Variants in AGBL1 observed in about 807,000 individuals in gnomAD.
The protein encoded by AGBL1 is cytosolic carboxypeptidase 4.
In AGBL1, 130 loss-of-function variants were observed where a neutral mutation model predicts 118.9. That is an observed-to-expected ratio of 1.09 (90% confidence interval 0.95 to 1.26). The LOEUF is 1.26. Ranked by LOEUF, AGBL1 falls within the 50% of genes most tolerant of loss-of-function variation. The pLI, the probability that AGBL1 is intolerant of heterozygous loss-of-function variation, is 0.00. For synonymous variants in AGBL1, 555 were observed against 478.9 expected, an observed-to-expected ratio of 1.16 and a Z score of -2.08; for missense variants, 1,584 against 1,298.1, an observed-to-expected ratio of 1.22 and a Z score of -3.38.
intron 22 of AGBL1, among the ~76,000 whole-genome samples, chr15:86,905,388 G>A (rs186354196): frequency 4.5e-4 from 68 of 152,288 alleles, no homozygotes; most frequent in African/African-American, 1.0e-3. Context: ...TTCCACAAAA[G>A]TGGCATAATA....
intron 6 of AGBL1, among the ~76,000 whole-genome samples, chr15:86,242,207 T>C (rs1462494972): frequency 1.3e-5 from 2 of 152,164 alleles, no homozygotes; most frequent in Non-Finnish European, 2.9e-5. Flanking sequence ...GTCTCAGGTA[T>C]GTCTTTATTA....
At chr15:86,767,304 A>G (rs186118158) in intron 22 of AGBL1, among the ~76,000 whole-genome samples, 31 of 152,090 alleles carry the variant, frequency 2.0e-4, no homozygotes, top group Admixed American at 3.9e-4. Context: ...CCAGGGACAG[A>G]GACGAATGGG....
Position 86,827,316 on chromosome 15 carries a change from T to C in AGBL1, c.3159-79771T>C, listed in dbSNP as rs1406139145. 2.4e-3 allele frequency among the ~76,000 whole-genome samples: 24 copies of C among 10,198 alleles called. 4 individuals carry two copies. The highest frequency in any genetic ancestry group is 0.015 in the African/African-American group (21 of 1,374). The allele number at this position is 10,198 out of a possible 152,430, so 6.7% of individuals were successfully genotyped here. ...GTATATATATATGTATATATATATA[T>C]ACACACACATATATATATATATGTG... On this transcript the variant is annotated intron_variant, in intron 22 of 22. Coordinates refer to ENST00000614907, the MANE Select transcript of AGBL1 (RefSeq NM_001386094.1).
chr15:86,818,265 A>G (rs926581151), intron 22 of AGBL1, among the ~76,000 whole-genome samples: 12 of 152,118 alleles, frequency 7.9e-5, no homozygotes, highest in Admixed American at 6.5e-4. Flanking sequence ...CTAGAGCAGA[A>G]CTGTTCTGTG....
At chr15:86,702,282 T>C (rs1596384186) in intron 22 of AGBL1, among the ~76,000 whole-genome samples, 1 of 152,258 alleles carries the variant, frequency 6.6e-6, no homozygotes, top group East Asian at 1.9e-4. Context: ...ATTATACCTG[T>C]AATAATTCCC....
At chr15:86,236,955 GGGGGC>G in intron 6 of AGBL1, among the ~76,000 whole-genome samples, 1 of 126,960 alleles carries the variant, frequency 7.9e-6, no homozygotes, top group African/African-American at 3.0e-5. Context: ...GGGGGGGCGG[GGGGGC>G]GCCAAGTTGC....
chr15:86,349,090 A>C (rs1164943862), intron 17 of AGBL1, among the ~76,000 whole-genome samples: 2 of 152,204 alleles, frequency 1.3e-5, no homozygotes, highest in African/African-American at 4.8e-5. Flanking sequence ...GCTACAAGCC[A>C]AAGCATGCCA....
chr15:86,814,956 G>C (rs2078839324), intron 22 of AGBL1, among the ~76,000 whole-genome samples: 1 of 152,042 alleles, frequency 6.6e-6, no homozygotes. Flanking sequence ...ATAAATGTTG[G>C]TTTACTTCTC....
chr15:86,348,098 C>G (rs2099787563), intron 17 of AGBL1, among the ~76,000 whole-genome samples: 1 of 152,174 alleles, frequency 6.6e-6, no homozygotes, highest in African/African-American at 2.4e-5. Flanking sequence ...CAGCTGGAAT[C>G]TGATGCTTTC....
intron 22 of AGBL1, among the ~76,000 whole-genome samples, chr15:86,762,224 G>A (rs2078036748): frequency 6.6e-6 from 1 of 152,086 alleles, no homozygotes; most frequent in Admixed American, 6.6e-5. Flanking sequence ...GTTGGGGGAG[G>A]TTGGTGGGAG....
At chr15:86,960,812 T>A (rs570223196) in intron 23 of AGBL1, among the ~76,000 whole-genome samples, 1 of 152,210 alleles carries the variant, frequency 6.6e-6, no homozygotes, top group African/African-American at 2.4e-5. Flanking sequence ...AATGACATTA[T>A]GCTAAGTGAA....
At chr15:86,454,314 C>T (rs904268581) in intron 18 of AGBL1, among the ~76,000 whole-genome samples, 19 of 152,152 alleles carry the variant, frequency 1.2e-4, no homozygotes, top group African/African-American at 3.6e-4. Context: ...AACTCTCTTA[C>T]GTGGCCAGTT....
intron 18 of AGBL1, among the ~76,000 whole-genome samples, chr15:86,484,533 C>T (rs960666036): frequency 8.5e-5 from 13 of 152,144 alleles, no homozygotes; most frequent in Admixed American, 3.3e-4. Flanking sequence ...CCCTCTTGAG[C>T]CCAAAGGTAT....
Position 86,731,893 on chromosome 15 carries a change from A to G in AGBL1, c.3158+57457A>G, listed in dbSNP as rs534676903. ...GAACTGGCTTGACCGTTGATTCTGA[A>G]CAAAATAAAAACTCAGTTCTTTAAG... On this transcript the variant is annotated intron_variant, in intron 22 of 22. Transcript: ENST00000614907. Among the ~76,000 whole-genome samples, 4 of 152,350 alleles carry G rather than the reference A, an allele frequency of 2.6e-5. No individual in the cohort carries two copies. The South Asian group carries it at 6.2e-4, about 24-fold the overall frequency.
At chr15:86,554,301 A>T in intron 20 of AGBL1, 60 bp from the exon 21 acceptor site, 1 of 1,363,864 alleles carries the variant, frequency 7.3e-7, no homozygotes, top group South Asian at 1.4e-5. Context: ...AGCTATTTTT[A>T]TGATGACTAT....
chr15:86,733,768 A>T (rs1403262086), intron 22 of AGBL1, among the ~76,000 whole-genome samples: 1 of 152,154 alleles, frequency 6.6e-6, no homozygotes, highest in African/African-American at 2.4e-5. Context: ...TTCTCCCAGG[A>T]TCTCATAAAC....
intron 18 of AGBL1, among the ~76,000 whole-genome samples, chr15:86,435,532 G>A (rs1199427343): frequency 1.3e-5 from 2 of 152,198 alleles, no homozygotes; most frequent in African/African-American, 4.8e-5. Flanking sequence ...TAATCTCCAT[G>A]TGAATCAGAA....
Position 86,533,297 on chromosome 15 carries a change from C to T in AGBL1, c.2685+10358C>T, listed in dbSNP as rs1439171122. 1.3e-3 allele frequency among the ~76,000 whole-genome samples: 164 copies of T among 130,162 alleles called. 1 individual carries two copies. In the East Asian group the frequency reaches 0.034, roughly 27 times the overall value. The allele number at this position is 130,162 out of a possible 152,430, so 85.4% of individuals were successfully genotyped here. On this transcript the variant is annotated intron_variant, in intron 19 of 22. Coordinates refer to ENST00000614907, the MANE Select transcript of AGBL1 (RefSeq NM_001386094.1). ...ACAAACAACCCAGTCAAAAAGTGGG[C>T]GAAGGACATGAGCAGACACTTCTCA... is the stretch of plus-strand genomic sequence containing the variant.
intron 21 of AGBL1, among the ~76,000 whole-genome samples, chr15:86,609,297 A>C (rs539978853): frequency 3.2e-4 from 49 of 152,324 alleles, no homozygotes; most frequent in African/African-American, 1.2e-3. Context: ...AAGGAGGAGG[A>C]ATTCAGACCA....
Sources: gnomAD v4.1 joint callset for allele counts (sites outside exome capture counted in the v4.1 genomes callset) on GRCh38, gnomAD v4.1.1 for gene constraint, MANE v1.5 for transcripts, NCBI Gene and HGNC (gene_info 2026-07-23, HGNC 2026-07-21) for gene names.